The following MAP3K7CL variants were observed in gnomAD, a reference collection of about 807,000 sequenced individuals.
MAP3K7CL encodes the protein MAP3K7 C-terminal like, also known as MAP3K7 C-terminal-like protein.
In MAP3K7CL, 16 loss-of-function variants were observed where a neutral mutation model predicts 18.6. That is an observed-to-expected ratio of 0.86 (90% CI 0.58 to 1.31). The LOEUF (loss-of-function observed/expected upper bound fraction) is 1.31. MAP3K7CL is among the 50% of genes most tolerant of loss of function. MAP3K7CL has a pLI of 0.00. For synonymous variants in MAP3K7CL, 65 were observed against 66.8 expected, an observed-to-expected ratio of 0.97 and a Z score of 0.13; for missense variants, 163 against 174.4, an observed-to-expected ratio of 0.93 and a Z score of 0.37.
At chr21:29,078,193 TA>T (rs2085780222) in intron 1 of MAP3K7CL, among the ~76,000 whole-genome samples, 1 of 152,216 alleles carries the variant, frequency 6.6e-6, no homozygotes, top group Admixed American at 6.5e-5. Flanking sequence ...CATGTTACTA[TA>T]TCATCTTATG....
At position 29,175,034 on chromosome 21, in the gene MAP3K7CL, C is replaced by A; in HGVS notation, c.*142C>A. 1 of 716,120 alleles carries A rather than the reference C, an allele frequency of 1.4e-6. No homozygotes were observed. Among genetic ancestry groups the A allele is most frequent in the Non-Finnish European group, 2.1e-6 (1 of 468,180 alleles). 44.4% of individuals were successfully genotyped at this position (716,120 alleles called of 1,614,324 possible). ...ACAACTGTCTATAATGAGTTTACTG[C>A]TTGCCAGCTTCTAGCTTGAGAGAAG... On this transcript the variant is annotated 3_prime_UTR_variant, in exon 5 of 5. Coordinates refer to ENST00000399928, the MANE Select transcript of MAP3K7CL (RefSeq NM_001286620.2).
chr21:29,094,427 G>A lies in MAP3K7CL; in HGVS notation c.370+1846G>A, dbSNP rs528669733. ...TCAGAAAGTCTAGGGTGGGGCCTAAGTATTTGAATTTTTAGGAAGTTCCCA... is the reference window on the plus strand; with the variant it reads ...TCAGAAAGTCTAGGGTGGGGCCTAAATATTTGAATTTTTAGGAAGTTCCCA... On this transcript the variant is annotated intron_variant, in intron 4 of 6. Coordinates refer to the MAP3K7CL transcript ENST00000286791. Among the ~76,000 whole-genome samples the A allele has an allele frequency of 6.6e-5, 10 of 152,344 alleles. No homozygotes were observed. In the South Asian group the frequency reaches 1.7e-3, roughly 25 times the overall value.
chr21:29,174,756 T>G lies in MAP3K7CL; in HGVS notation c.293T>G (p.Val98Gly). 2 of 1,614,106 alleles carry G rather than the reference T, an allele frequency of 1.2e-6. No individual in the cohort carries two copies. Among genetic ancestry groups the G allele is most frequent in the Non-Finnish European group, 8.5e-7 (1 of 1,180,006 alleles). ...AKLDQAEKEK[V>G]DAAELVREFE... ...TTAGATCAGGCAGAAAAGGAGAAGG[T>G]GGATGCTGCTGAGCTGGTTCGGGAA... Residue 98 changes from valine (V) to glycine (G), a missense_variant, in exon 5 of 5, where the codon GTG (valine) becomes GGG (glycine). Coordinates refer to ENST00000399928, the MANE Select transcript of MAP3K7CL (RefSeq NM_001286620.2).
intron 3 of MAP3K7CL, among the ~76,000 whole-genome samples, chr21:29,156,097 G>A (rs1032860770): frequency 2.0e-5 from 3 of 152,196 alleles, no homozygotes; most frequent in Non-Finnish European, 4.4e-5. Flanking sequence ...TGGGATAAGT[G>A]TATCCAAAAT....
chr21:29,122,850 T>A (rs2086618575), intron 4 of MAP3K7CL, among the ~76,000 whole-genome samples: 1 of 152,192 alleles, frequency 6.6e-6, no homozygotes, highest in Non-Finnish European at 1.5e-5. Context: ...ACTGCCCTCT[T>A]CTACCCAGTA....
intron 2 of MAP3K7CL, among the ~76,000 whole-genome samples, chr21:29,141,349 T>TAA (rs112432584): frequency 7.9e-5 from 12 of 151,634 alleles, no homozygotes; most frequent in African/African-American, 2.9e-4. Context: ...CTGTCTCTAC[T>TAA]AAAAATACAA....
At chr21:29,085,907 C>G (rs2085917507) in exon 1 of MAP3K7CL, 1 of 1,614,076 alleles carries the variant, frequency 6.2e-7, no homozygotes, top group African/African-American at 1.3e-5. Flanking sequence ...AACGAGGCAG[C>G]AGATCTTAAG....
intron 1 of MAP3K7CL, among the ~76,000 whole-genome samples, chr21:29,077,870 T>G (rs182149772): frequency 6.6e-6 from 1 of 152,332 alleles, no homozygotes; most frequent in East Asian, 1.9e-4. Flanking sequence ...TCATGTTAGG[T>G]GCTGCCTGAA....
intron 1 of MAP3K7CL, chr21:29,131,242 G>A (rs1302555917): frequency 1.3e-5 from 2 of 152,188 alleles, no homozygotes; most frequent in African/African-American, 4.8e-5. Flanking sequence ...CAAAATCCTT[G>A]AGGCAAATTT....
chr21:29,101,696 C>T (rs1201198152), intron 4 of MAP3K7CL, among the ~76,000 whole-genome samples: 2 of 152,200 alleles, frequency 1.3e-5, no homozygotes, highest in Non-Finnish European at 2.9e-5. Context: ...GCTTCAGGCA[C>T]CGTGCCCGGC....
upstream of MAP3K7CL, among the ~76,000 whole-genome samples, chr21:29,081,491 G>C (rs560230617): frequency 6.6e-6 from 1 of 152,334 alleles, no homozygotes; most frequent in Admixed American, 6.5e-5. Context: ...AGGCGGAGTT[G>C]GCAGTGAGCC....
intron 4 of MAP3K7CL, among the ~76,000 whole-genome samples, chr21:29,105,384 C>T (rs555997811): frequency 6.6e-6 from 1 of 152,278 alleles, no homozygotes; most frequent in South Asian, 2.1e-4. Flanking sequence ...CTGAGCCTCT[C>T]GAGCTCTGAG....
At chr21:29,173,093 A>G (rs1372309462) in intron 4 of MAP3K7CL, among the ~76,000 whole-genome samples, 2 of 152,168 alleles carry the variant, frequency 1.3e-5, no homozygotes, top group Non-Finnish European at 2.9e-5. Context: ...CTACTTTAAA[A>G]CAGGGGTTCA....
chr21:29,152,884 T>A (rs186568326), intron 3 of MAP3K7CL, among the ~76,000 whole-genome samples: 1 of 152,228 alleles, frequency 6.6e-6, no homozygotes, highest in Non-Finnish European at 1.5e-5. Context: ...TTTTTTTGTT[T>A]GTTTCTGGTT....
chr21:29,105,948 A>G (rs2086313893), intron 4 of MAP3K7CL, among the ~76,000 whole-genome samples: 1 of 152,158 alleles, frequency 6.6e-6, no homozygotes. Context: ...GCTCTACAAA[A>G]TTAATCCCTG....
chr21:29,090,729 C>A (rs1427134217), intron 1 of MAP3K7CL, among the ~76,000 whole-genome samples: 1 of 151,668 alleles, frequency 6.6e-6, no homozygotes, highest in Non-Finnish European at 1.5e-5. Context: ...TTGCATGGAG[C>A]CAGGATCATC....
rs1491329650 is a variant in MAP3K7CL at position 29,093,658 on chromosome 21, T to TG, written c.370+1077_370+1078insG. Among the ~76,000 whole-genome samples, 4 of 141,364 alleles carry TG rather than the reference T, an allele frequency of 2.8e-5. No individual in the cohort carries two copies. The East Asian group carries it at 8.0e-4, about 28-fold the overall frequency. The allele number at this position is 141,364 out of a possible 152,430, so 92.7% of individuals were successfully genotyped here. A position where few individuals can be genotyped will look rare whatever the true frequency, so the allele number is the denominator to read the frequency against. On this transcript the variant is annotated intron_variant, in intron 4 of 6. Coordinates refer to the MAP3K7CL transcript ENST00000286791. ...CACCACGCCGGGCTAATTTTTTGTATTTTTTTTTTTTAGTAGAGATGGGGC... is the reference window on the plus strand; with the variant it reads ...CACCACGCCGGGCTAATTTTTTGTATGTTTTTTTTTTTAGTAGAGATGGGGC...
intron 1 of MAP3K7CL, among the ~76,000 whole-genome samples, chr21:29,087,746 AC>A (rs1208532505): frequency 6.6e-6 from 1 of 151,594 alleles, no homozygotes; most frequent in Non-Finnish European, 1.5e-5. Flanking sequence ...GGCTCCCACC[AC>A]CACGACCGGC....
At chr21:29,129,300 C>T (rs1338080936), upstream of MAP3K7CL, among the ~76,000 whole-genome samples, 1 of 152,160 alleles carries the variant, frequency 6.6e-6, no homozygotes, top group Admixed American at 6.5e-5. Flanking sequence ...AGAATAGTTT[C>T]ACTGCCCTAA....
Sources: allele counts gnomAD v4.1 joint callset (sites outside exome capture counted in the v4.1 genomes callset), GRCh38; gene constraint gnomAD v4.1.1; transcripts MANE v1.5; gene names NCBI Gene and HGNC (gene_info 2026-07-23, HGNC 2026-07-21).